The following BTNL3 variants were observed in gnomAD, a reference collection of about 807,000 sequenced individuals.
BTNL3 encodes butyrophilin like 3, also known as butyrophilin-like protein 3.
A neutral mutation model predicts 40.1 loss-of-function variants in BTNL3; 20 were observed. The ratio of observed to expected loss-of-function variants is 0.50; its 90% CI spans 0.35 to 0.72. BTNL3 has a LOEUF of 0.72. BTNL3 is among the 30% of genes least tolerant of loss of function. The pLI, the probability that BTNL3 is intolerant of heterozygous loss-of-function variation, is 0.01. For missense variants in BTNL3, 449 were observed against 582.2 expected (o/e 0.77, Z 2.35); for synonymous variants, 179 against 222.1 (o/e 0.81, Z 1.73).
At position 181,004,605 on chromosome 5, in the gene BTNL3, C is replaced by T. The variant is rs939575559; in HGVS notation, c.836-131C>T. The T allele has an allele frequency of 3.1e-6, 5 of 1,601,014 alleles. No homozygotes were observed. In the Admixed American group the frequency reaches 6.8e-5, roughly 22 times the overall value. On this transcript the variant is annotated intron_variant, in intron 6 of 7. Coordinates refer to ENST00000342868, the MANE Select transcript of BTNL3 (RefSeq NM_197975.3). ...GGAGGTGCATTTTGTAGAGAAGCCC[C>T]ATAGCCTTCTTCAGATCTCTGGAGG...
At chr5:180,996,165 G>A (rs1760032995) in intron 2 of BTNL3, among the ~76,000 whole-genome samples, 1 of 136,330 alleles carries the variant, frequency 7.3e-6, no homozygotes, top group African/African-American at 2.5e-5. Context: ...CACATAAGAG[G>A]TACTTTTGCA....
chr5:180,994,556 T>G (rs1207361108), intron 2 of BTNL3, among the ~76,000 whole-genome samples: 4 of 136,364 alleles, frequency 2.9e-5, no homozygotes, highest in African/African-American at 1.0e-4. Flanking sequence ...TTCTTGAATC[T>G]GTAGTTTCAT....
chr5:181,003,883 G>C lies in BTNL3; in HGVS notation c.808+7G>C. 1.2e-6 allele frequency: 2 copies of C among 1,614,028 alleles called. No individual in the cohort carries two copies. Among genetic ancestry groups the C allele is most frequent in the Non-Finnish European group, 1.7e-6 (2 of 1,180,034 alleles). ...AAAATCCAGGCGGAACTGGGTATGT[G>C]TCATGTCCTGAGCCTCCCACACATG... On this transcript the variant is annotated splice_region_variant and intron_variant, in intron 5 of 7. Transcript: ENST00000342868.
At chr5:180,997,519 G>A (rs897149084) in intron 3 of BTNL3, 31 bp downstream of exon 3, 2 of 1,462,188 alleles carry the variant, frequency 1.4e-6, no homozygotes, top group African/African-American at 2.7e-5. Context: ...GCAAGGAATG[G>A]GTGTGTGCAT....
rs1760230503 is a variant in BTNL3 at position 181,006,293 on chromosome 5, G to A, written c.*421G>A. 2.8e-6 allele frequency: 1 copy of A among 356,248 alleles called. No homozygotes were observed. Among genetic ancestry groups the A allele is most frequent in the Admixed American group, 4.5e-5 (1 of 22,416 alleles). The allele number at this position is 356,248 out of a possible 1,614,324, so 22.1% of individuals were successfully genotyped here. On this transcript the variant is annotated 3_prime_UTR_variant, in exon 8 of 8. Transcript: ENST00000342868. ...TGTGAATCATGCTTGCAGGTTTGAG[G>A]GCACAGTGTTTGCTAATGATGTGTT... is the stretch of plus-strand genomic sequence containing the variant.
intron 1 of BTNL3, among the ~76,000 whole-genome samples, chr5:180,989,821 GT>G (rs1327193904): frequency 7.3e-6 from 1 of 136,786 alleles, no homozygotes; most frequent in Non-Finnish European, 1.7e-5. Flanking sequence ...ACCTATGACT[GT>G]TTTGCTAAAC....
At position 180,991,346 on chromosome 5, in the gene BTNL3, G is replaced by C. The variant is rs532333298; in HGVS notation, c.50-1467G>C. 1.8e-3 allele frequency among the ~76,000 whole-genome samples: 245 copies of C among 137,744 alleles called. 28 individuals are homozygous for C. The highest frequency in any genetic ancestry group is 5.9e-3 in the African/African-American group (235 of 40,000). 90.4% of individuals were successfully genotyped at this position (137,744 alleles called of 152,430 possible). A position where few individuals can be genotyped will look rare whatever the true frequency, so the allele number is the denominator to read the frequency against. ...GAAATTCACACATGGGATCCACTTT[G>C]CCTCTGATGCACATGCAGATACCAC... is the stretch of plus-strand genomic sequence containing the variant. On this transcript the variant is annotated intron_variant, in intron 1 of 7. Transcript: ENST00000342868.
chr5:181,003,741 G>T (rs920779724), intron 4 of BTNL3, 115 bp from the exon 5 acceptor site: 1 of 1,564,574 alleles, frequency 6.4e-7, no homozygotes, highest in Non-Finnish European at 8.7e-7. Flanking sequence ...AAGTGTCCTA[G>T]GAGAGGCCCT....
intron 3 of BTNL3, among the ~76,000 whole-genome samples, chr5:181,000,061 A>G (rs1760085479): frequency 7.3e-6 from 1 of 136,616 alleles, no homozygotes; most frequent in Non-Finnish European, 1.7e-5. Context: ...TAATTTTGGT[A>G]TCATAAGAGA....
chr5:181,004,628 A>C, intron 6 of BTNL3, 108 bp from the exon 7 acceptor site: 3 of 1,611,190 alleles, frequency 1.9e-6, no homozygotes, highest in Non-Finnish European at 2.5e-6. Context: ...AGATCTCTGG[A>C]GGGTCCACAA....
Position 180,989,286 on chromosome 5 carries a change from T to C in BTNL3, c.49+209T>C, listed in dbSNP as rs1488115644. On this transcript the variant is annotated intron_variant, in intron 1 of 7. Coordinates refer to ENST00000342868, the MANE Select transcript of BTNL3 (RefSeq NM_197975.3). Reference sequence around the variant, plus strand: ...ATTGAGGAAGACTCCTTGGGCTGTTTCTCAAGGACTTGGGCACTATCACAG... The same window carrying C: ...ATTGAGGAAGACTCCTTGGGCTGTTCCTCAAGGACTTGGGCACTATCACAG... Among the ~76,000 whole-genome samples, 5 of 136,554 alleles carry C rather than the reference T, an allele frequency of 3.7e-5. 1 individual carries two copies. Among genetic ancestry groups the C allele is most frequent in the African/African-American group, 1.3e-4 (5 of 39,592 alleles). The allele number at this position is 136,554 out of a possible 152,430, so 89.6% of individuals were successfully genotyped here. A position where few individuals can be genotyped will look rare whatever the true frequency, so the allele number is the denominator to read the frequency against.
chr5:181,006,041 C>T lies in BTNL3; in HGVS notation c.*169C>T. On this transcript the variant is annotated 3_prime_UTR_variant, in exon 8 of 8. Coordinates refer to ENST00000342868, the MANE Select transcript of BTNL3 (RefSeq NM_197975.3). ...GGTTCTTCTGCCCTGAGCCCTGCAG[C>T]AGCGGCAGTCACAGCTTCCAGATGA... The T allele has an allele frequency of 4.2e-6, 3 of 719,304 alleles. No individual in the cohort carries two copies. Among genetic ancestry groups the T allele is most frequent in the South Asian group, 5.1e-5 (2 of 39,318 alleles). The allele number at this position is 719,304 out of a possible 1,614,324, so 44.6% of individuals were successfully genotyped here.
rs370462096 is a variant in BTNL3, at chr5:181,002,366, A to G, written c.674-306A>G. ...CATAGACACACACACACACACACAC[A>G]CGTGTGTGTGTATATATATATATAT... On this transcript the variant is annotated intron_variant, in intron 3 of 7. Transcript: ENST00000342868. Among the ~76,000 whole-genome samples the G allele has an allele frequency of 4.4e-4, 14 of 32,116 alleles. 2 individuals are homozygous for G. Among genetic ancestry groups the G allele is most frequent in the East Asian group, 1.8e-3 (2 of 1,084 alleles). The allele number at this position is 32,116 out of a possible 152,430, so 21.1% of individuals were successfully genotyped here.
chr5:181,003,922 C>T (rs765727732), intron 5 of BTNL3, 46 bp downstream of exon 5: 1 of 1,613,790 alleles, frequency 6.2e-7, no homozygotes. Context: ...CTCCCGGGTC[C>T]CTCCCTGATC....
chr5:181,001,031 T>A (rs1760101955), intron 3 of BTNL3, among the ~76,000 whole-genome samples: 1 of 135,120 alleles, frequency 7.4e-6, no homozygotes, highest in African/African-American at 2.5e-5. Context: ...AACGGAAAAT[T>A]TAGAAAAATT....
At chr5:180,999,472 T>C (rs1582088511) in intron 3 of BTNL3, among the ~76,000 whole-genome samples, 1 of 136,682 alleles carries the variant, frequency 7.3e-6, no homozygotes, top group Non-Finnish European at 1.7e-5. Flanking sequence ...TCCTTTTCTA[T>C]TGAATATGAT....
At chr5:181,001,722 G>A (rs1760113416) in intron 3 of BTNL3, among the ~76,000 whole-genome samples, 1 of 134,356 alleles carries the variant, frequency 7.4e-6, no homozygotes, top group African/African-American at 2.6e-5. Context: ...GCGGGCGCCT[G>A]TAGTCCCAGC....
chr5:180,989,307 C>G (rs1217419149), intron 1 of BTNL3, among the ~76,000 whole-genome samples: 1 of 136,414 alleles, frequency 7.3e-6, no homozygotes, highest in African/African-American at 2.5e-5. Context: ...TGGGCACTAT[C>G]ACAGTAGCTC....
chr5:181,001,718 G>A (rs1428225648), intron 3 of BTNL3, among the ~76,000 whole-genome samples: 1 of 134,084 alleles, frequency 7.5e-6, no homozygotes, highest in Non-Finnish European at 1.7e-5. Flanking sequence ...GGTGGCGGGC[G>A]CCTGTAGTCC....
Sources: gnomAD v4.1 joint callset for allele counts (sites outside exome capture counted in the v4.1 genomes callset) on GRCh38, gnomAD v4.1.1 for gene constraint, MANE v1.5 for transcripts, NCBI Gene and HGNC (gene_info 2026-07-23, HGNC 2026-07-21) for gene names.